The following VSX2 variants were observed in gnomAD, a reference collection of about 807,000 sequenced individuals.
VSX2 encodes the protein ceh-10 homeo domain containing homolog.
A neutral mutation model predicts 32.1 loss-of-function variants in VSX2; 28 were observed. That is an observed-to-expected ratio of 0.87 (90% CI 0.65 to 1.20). The LOEUF (loss-of-function observed/expected upper bound fraction) is 1.20. Ranked by LOEUF, VSX2 falls within the 50% of genes most tolerant of loss-of-function variation. The probability of loss-of-function intolerance (pLI) is 0.00; values close to 1 mark genes in which losing one functional copy is unlikely to be tolerated. For synonymous variants in VSX2, 243 were observed against 214.1 expected (o/e 1.14, Z -1.18); for missense variants, 506 against 488.7 (o/e 1.04, Z -0.33).
At chr14:74,252,307 G>A (rs917803353) in intron 3 of VSX2, among the ~76,000 whole-genome samples, 2 of 152,208 alleles carry the variant, frequency 1.3e-5, no homozygotes, top group Admixed American at 6.5e-5. Flanking sequence ...CGAGGCACAG[G>A]CACATTCTGT....
rs1021047045 is a variant in VSX2, at chr14:74,239,511, G to A, written c.-51G>A. Reference sequence around the variant, plus strand: ...CGCGAAGCGGGAAGCCCGGCGGGGGGGTGGGGGGAGCTAAAGACCTGCGGC... The same window carrying A: ...CGCGAAGCGGGAAGCCCGGCGGGGGAGTGGGGGGAGCTAAAGACCTGCGGC... On this transcript the variant is annotated 5_prime_UTR_variant, in exon 1 of 5. Coordinates refer to ENST00000261980, the MANE Select transcript of VSX2 (RefSeq NM_182894.3). 3.0e-5 allele frequency: 46 copies of A among 1,548,894 alleles called. No individual in the cohort carries two copies. Among genetic ancestry groups the A allele is most frequent in the Non-Finnish European group, 3.5e-5 (40 of 1,146,620 alleles).
In VSX2 at chr14:74,260,557, C is replaced by T. The variant is rs753460454; in HGVS notation, c.761-37C>T. 4.3e-5 allele frequency: 67 copies of T among 1,559,824 alleles called. No homozygotes were observed. The South Asian group carries it at 4.8e-4, about 11-fold the overall frequency. On this transcript the variant is annotated intron_variant, in intron 4 of 4. Coordinates refer to ENST00000261980, the MANE Select transcript of VSX2 (RefSeq NM_182894.3). The stretch of plus-strand genomic sequence containing the variant: ...TTCAGTTCAAGATGGCTTTCCCAGG[C>T]GCTTTTCTAAACCCGAATACCAACA...
At chr14:74,252,103 G>A (rs1386075687) in intron 3 of VSX2, among the ~76,000 whole-genome samples, 2 of 152,246 alleles carry the variant, frequency 1.3e-5, no homozygotes, top group African/African-American at 4.8e-5. Context: ...GTTTTCTGGT[G>A]GCGATGCCAG....
rs748322613 is a variant in VSX2 at position 74,241,197 on chromosome 14, C to G, written c.386C>G (p.Ser129Cys). The G allele has an allele frequency of 1.2e-6, 2 of 1,613,454 alleles. No homozygotes were observed. Among genetic ancestry groups the G allele is most frequent in the Admixed American group, 1.7e-5 (1 of 60,036 alleles). Residue 129 changes from serine (S) to cysteine (C), a missense_variant, in exon 2 of 5, where the codon TCC (serine) becomes TGC (cysteine). Physicochemically the swap from Ser to Cys is moderately radical, Grantham distance 112. Coordinates refer to ENST00000261980, the MANE Select transcript of VSX2 (RefSeq NM_182894.3). ...CGCTTTTCAGATTCTGAAGATGTTT[C>G]CTCCAGCGATCGAAAAATGTCCAAA... ...QTASSDSEDV[S>C]SSDRKMSKSA...
At chr14:74,257,305 A>C (rs1236046292) in intron 3 of VSX2, among the ~76,000 whole-genome samples, 1 of 152,194 alleles carries the variant, frequency 6.6e-6, no homozygotes, top group Admixed American at 6.5e-5. Context: ...GGGGTCTCCC[A>C]GGGTGGTCAG....
In VSX2 at chr14:74,259,637, G is replaced by T; in HGVS notation, c.615G>T (p.Lys205Asn). ...WFQNRRAKWR[K>N]REKCWGRSSV... ...AGAACCGTCGAGCCAAGTGGAGGAA[G>T]CGGGAGAAGTGCTGGGGCCGGAGCA... The change falls in exon 4 of 5, where the codon AAG becomes AAT. Residue 205 changes from lysine (K) to asparagine (N), a missense_variant. Transcript: ENST00000261980. The T allele has an allele frequency of 1.2e-6, 2 of 1,614,212 alleles. No homozygotes were observed. The highest frequency in any genetic ancestry group is 2.7e-5 in the African/African-American group (2 of 75,048).
chr14:74,260,586 C>T lies in VSX2; in HGVS notation c.761-8C>T. Reference sequence around the variant, plus strand: ...TTTCTAAACCCGAATACCAACAATTCTTTCTAGGGATGCACAAAAAGTCGC... The same window carrying T: ...TTTCTAAACCCGAATACCAACAATTTTTTCTAGGGATGCACAAAAAGTCGC... On this transcript the variant is annotated splice_polypyrimidine_tract_variant and splice_region_variant and intron_variant, in intron 4 of 4. Transcript: ENST00000261980. The T allele has an allele frequency of 6.3e-7, 1 of 1,596,104 alleles. No individual in the cohort carries two copies.
chr14:74,252,394 CT>C (rs1241617225), intron 3 of VSX2, among the ~76,000 whole-genome samples: 12,769 of 143,184 alleles, frequency 0.089, 1,271 homozygotes, highest in African/African-American at 0.24. Context: ...TCTTTTCTTT[CT>C]TTTTTTTTTT....
intron 2 of VSX2, among the ~76,000 whole-genome samples, chr14:74,241,733 C>T (rs2079151618): frequency 6.6e-6 from 1 of 152,238 alleles, no homozygotes; most frequent in African/African-American, 2.4e-5. Flanking sequence ...TTTCTGCTCC[C>T]ACCGTTCTCC....
In VSX2 at chr14:74,259,765, G is replaced by C; in HGVS notation, c.743G>C (p.Cys248Ser). The change falls in exon 4 of 5, where the codon TGT becomes TCT. Residue 248 changes from cysteine (C) to serine (S), a missense_variant. Cys to Ser is a moderately radical substitution (Grantham distance 112). Transcript: ENST00000261980. ...KSAKDGIMDS[C>S]APWLLGMHKK... is the part of the protein sequence containing the mutation. ...GCCAAGGATGGCATCATGGACTCCT[G>C]TGCCCCGTGGCTACTGGGTAAGAGC... 1 of 1,613,112 alleles carries C rather than the reference G, an allele frequency of 6.2e-7. No homozygotes were observed. Among genetic ancestry groups the C allele is most frequent in the Non-Finnish European group, 8.5e-7 (1 of 1,179,610 alleles).
chr14:74,256,325 G>A (rs1333114498), intron 3 of VSX2, among the ~76,000 whole-genome samples: 1 of 152,166 alleles, frequency 6.6e-6, no homozygotes, highest in Non-Finnish European at 1.5e-5. Flanking sequence ...CAGCTACGCT[G>A]GAGGCTGAGA....
chr14:74,258,581 G>A (rs554679614), intron 3 of VSX2, among the ~76,000 whole-genome samples: 1 of 152,274 alleles, frequency 6.6e-6, no homozygotes, highest in South Asian at 2.1e-4. Flanking sequence ...GGAACCGCCA[G>A]GCTTGGGGCG....
At chr14:74,246,788 C>T (rs922241630) in intron 3 of VSX2, among the ~76,000 whole-genome samples, 5 of 152,088 alleles carry the variant, frequency 3.3e-5, no homozygotes, top group African/African-American at 1.2e-4. Flanking sequence ...AATAGCTTGT[C>T]TCTTGCAGTG....
chr14:74,246,647 C>T (rs1007520856), intron 3 of VSX2, among the ~76,000 whole-genome samples: 1 of 152,198 alleles, frequency 6.6e-6, no homozygotes, highest in African/African-American at 2.4e-5. Flanking sequence ...CCTTAAACTG[C>T]ACGGCAGTAA....
chr14:74,243,852 T>G (rs2079167375), intron 2 of VSX2, among the ~76,000 whole-genome samples: 1 of 151,900 alleles, frequency 6.6e-6, no homozygotes, highest in South Asian at 2.1e-4. Context: ...TCTGTACTTT[T>G]GGGTTGTGTT....
At chr14:74,251,842 C>G (rs900533932) in intron 3 of VSX2, among the ~76,000 whole-genome samples, 1 of 152,150 alleles carries the variant, frequency 6.6e-6, no homozygotes, top group Admixed American at 6.6e-5. Flanking sequence ...CCTTAAGTCA[C>G]GCCAGCGATG....
chr14:74,252,430 G>T (rs2079235698), intron 3 of VSX2, among the ~76,000 whole-genome samples: 3 of 144,916 alleles, frequency 2.1e-5, no homozygotes, highest in East Asian at 4.1e-4. Context: ...TCCCTCTGTT[G>T]CCCAGGCTGG....
At chr14:74,244,229 A>T (rs1158008633) in intron 2 of VSX2, among the ~76,000 whole-genome samples, 1 of 152,194 alleles carries the variant, frequency 6.6e-6, no homozygotes, top group African/African-American at 2.4e-5. Flanking sequence ...GCAGTTTATA[A>T]CACAAAATAG....
In VSX2 at chr14:74,261,226, C is replaced by G. The variant is rs1482414994; in HGVS notation, c.*307C>G. On this transcript the variant is annotated 3_prime_UTR_variant, in exon 5 of 5. Coordinates refer to ENST00000261980, the MANE Select transcript of VSX2 (RefSeq NM_182894.3). The stretch of plus-strand genomic sequence containing the variant: ...GCAACGCTCACTGGTTTTGGCCACC[C>G]CTTGCTCTCTGTTCTCTTGCTTTAA... The G allele has an allele frequency of 4.6e-6, 2 of 436,998 alleles. No individual in the cohort carries two copies. Among genetic ancestry groups the G allele is most frequent in the Non-Finnish European group, 8.3e-6 (2 of 240,474 alleles). 27.1% of individuals were successfully genotyped at this position (436,998 alleles called of 1,614,324 possible). A position where few individuals can be genotyped will look rare whatever the true frequency, so the allele number is the denominator to read the frequency against.
Sources: gnomAD v4.1 joint callset for allele counts (sites outside exome capture counted in the v4.1 genomes callset) on GRCh38, gnomAD v4.1.1 for gene constraint, MANE v1.5 for transcripts, NCBI Gene and HGNC (gene_info 2026-07-23, HGNC 2026-07-21) for gene names.